Variants in PCDHA7 observed in about 807,000 individuals in gnomAD.
PCDHA7 encodes the protein protocadherin alpha 7.
Under a neutral mutation model 57.2 loss-of-function variants are expected in PCDHA7, and 37 were observed. The observed-to-expected ratio is 0.65, with a 90% CI of 0.50 to 0.85. The LOEUF (loss-of-function observed/expected upper bound fraction) is 0.85. Ranked by LOEUF, PCDHA7 falls within the 40% of genes least tolerant of loss-of-function variation. The probability of loss-of-function intolerance (pLI) is 0.00; values close to 1 mark genes in which losing one functional copy is unlikely to be tolerated. For missense variants in PCDHA7, 1,188 were observed against 1,241.8 expected (o/e 0.96, Z 0.65); for synonymous variants, 553 against 558.8 (o/e 0.99, Z 0.15).
chr5:140,922,326 G>A (rs2080778185), intron 1 of PCDHA7, among the ~76,000 whole-genome samples: 1 of 152,212 alleles, frequency 6.6e-6, no homozygotes, highest in Admixed American at 6.5e-5. Context: ...ATCTTGGAAA[G>A]GGTTGGTATA....
chr5:140,950,071 T>C (rs560042578), intron 1 of PCDHA7, among the ~76,000 whole-genome samples: 20 of 152,098 alleles, frequency 1.3e-4, no homozygotes, highest in African/African-American at 4.8e-4. Context: ...TCCTGTGCCA[T>C]TGCTTATGCT....
intron 3 of PCDHA7, among the ~76,000 whole-genome samples, chr5:141,005,531 G>A (rs1441846175): frequency 1.3e-5 from 2 of 151,072 alleles, no homozygotes; most frequent in African/African-American, 4.9e-5. Context: ...GTGAAACCCC[G>A]TCTCTACTAA....
At chr5:140,887,101 CTT>C (rs200717289) in intron 1 of PCDHA7, among the ~76,000 whole-genome samples, 4 of 145,262 alleles carry the variant, frequency 2.8e-5, no homozygotes, top group African/African-American at 5.0e-5. Flanking sequence ...ATCTTTATCT[CTT>C]TTTTTTTTTT....
chr5:140,880,821 G>A (rs1054552020), intron 1 of PCDHA7, among the ~76,000 whole-genome samples: 4 of 152,206 alleles, frequency 2.6e-5, no homozygotes, highest in African/African-American at 7.2e-5. Flanking sequence ...AGAGTGTCTG[G>A]AAGGGCATAT....
rs2150253955 is a variant in PCDHA7, at chr5:140,836,144, G to T, written c.1761G>T (p.Ala587=). The T allele has an allele frequency of 1.2e-6, 2 of 1,613,780 alleles. No homozygotes were observed. The highest frequency in any genetic ancestry group is 1.7e-6 in the Non-Finnish European group (2 of 1,179,786). ...AGCTTGTGCCGCGGTCTGTGGGCGC[G>T]GGCCATGTGGTGGCGAAGGTACGTG... ...VRELVPRSVG[A]GHVVAKVRAV... The change falls in exon 1 of 4, where the codon GCG becomes GCT. Residue 587 remains alanine (A), a synonymous_variant. Coordinates refer to ENST00000525929, the MANE Select transcript of PCDHA7 (RefSeq NM_018910.3).
At chr5:140,952,449 G>C (rs549255236) in intron 1 of PCDHA7, among the ~76,000 whole-genome samples, 1 of 152,242 alleles carries the variant, frequency 6.6e-6, no homozygotes. Context: ...AATACAGCCA[G>C]GCTCTTTGCT....
chr5:140,868,957 A>G (rs2050760003), intron 1 of PCDHA7: 2 of 1,389,232 alleles, frequency 1.4e-6, no homozygotes, highest in East Asian at 2.3e-5. Context: ...AGGCACTCCC[A>G]TACAAAGGAA....
chr5:140,987,453 A>C (rs2097255093), intron 3 of PCDHA7, among the ~76,000 whole-genome samples: 1 of 152,106 alleles, frequency 6.6e-6, no homozygotes, highest in South Asian at 2.1e-4. Context: ...CCGAGAGATA[A>C]TTGTTAAGAG....
At chr5:140,882,538 C>T (rs782086663) in intron 1 of PCDHA7, 2 of 1,614,170 alleles carry the variant, frequency 1.2e-6, no homozygotes, top group Non-Finnish European at 1.7e-6. Flanking sequence ...ATTCTCGGAT[C>T]GACCGCGAGG....
At chr5:140,995,000 T>A (rs149795080) in intron 3 of PCDHA7, among the ~76,000 whole-genome samples, 1 of 152,328 alleles carries the variant, frequency 6.6e-6, no homozygotes, top group African/African-American at 2.4e-5. Flanking sequence ...GTTAGTTGGT[T>A]TGTTTATATT....
intron 3 of PCDHA7, among the ~76,000 whole-genome samples, chr5:140,990,966 A>G (rs2097424130): frequency 6.6e-6 from 1 of 152,214 alleles, no homozygotes; most frequent in Non-Finnish European, 1.5e-5. Context: ...GTCTCTTAGA[A>G]CAAGAGAAAG....
chr5:140,836,547 C>CGGT lies in PCDHA7; in HGVS notation c.2166_2168dup (p.Arg722_Cys723insTrp). ...TACCCTGCTGCTGTACACGGCGTTG[C>CGGT]GGTGCTCAGCGCCGTCCTCTGAGGG... On this transcript the variant is annotated inframe_insertion, in exon 1 of 4. Coordinates refer to ENST00000525929, the MANE Select transcript of PCDHA7 (RefSeq NM_018910.3). 1 of 1,613,738 alleles carries CGGT rather than the reference C, an allele frequency of 6.2e-7. No individual in the cohort carries two copies. Among genetic ancestry groups the CGGT allele is most frequent in the Non-Finnish European group, 8.5e-7 (1 of 1,179,820 alleles).
chr5:140,841,799 G>A (rs2150322924), intron 1 of PCDHA7: 2 of 1,613,942 alleles, frequency 1.2e-6, no homozygotes, highest in East Asian at 2.2e-5. Context: ...CGCGTCCGAT[G>A]CAGATGTTGG....
At chr5:140,901,713 A>G (rs1463520839) in intron 1 of PCDHA7, among the ~76,000 whole-genome samples, 1 of 151,994 alleles carries the variant, frequency 6.6e-6, no homozygotes, top group Non-Finnish European at 1.5e-5. Context: ...ACATTTTCAG[A>G]TTGTCTTTTC....
At chr5:140,862,911 G>C (rs781861917) in intron 1 of PCDHA7, 3 of 549,326 alleles carry the variant, frequency 5.5e-6, no homozygotes. Flanking sequence ...CGCTGCTGGC[G>C]CCTTGGGTGG....
intron 3 of PCDHA7, among the ~76,000 whole-genome samples, chr5:140,991,523 T>A (rs73268060): frequency 0.032 from 4,843 of 152,294 alleles, 263 homozygotes; most frequent in African/African-American, 0.11. Flanking sequence ...CAAGGTGTGT[T>A]CTTGCCACTA....
chr5:140,870,746 TGACG>T, intron 1 of PCDHA7: 1 of 1,613,488 alleles, frequency 6.2e-7, no homozygotes, highest in Non-Finnish European at 8.5e-7. Context: ...AGCAGCAACG[TGACG>T]CTGCAGGTGT....
intron 1 of PCDHA7, chr5:140,853,268 G>A: frequency 9.2e-6 from 9 of 975,960 alleles, no homozygotes; most frequent in Non-Finnish European, 1.1e-5. Context: ...CAGAGTACAA[G>A]CTCTCATCAT....
chr5:140,987,075 G>C (rs564788093), intron 3 of PCDHA7, among the ~76,000 whole-genome samples: 1 of 152,006 alleles, frequency 6.6e-6, no homozygotes, highest in Admixed American at 6.5e-5. Context: ...TGAGCTGGGC[G>C]TGGTGGCAGG....
Sources: gnomAD v4.1 joint callset for allele counts (sites outside exome capture counted in the v4.1 genomes callset) on GRCh38, gnomAD v4.1.1 for gene constraint, MANE v1.5 for transcripts, NCBI Gene and HGNC (gene_info 2026-07-23, HGNC 2026-07-21) for gene names.